Variants in SPON1 observed in about 807,000 individuals in gnomAD.
SPON1 encodes spondin 1, also known as spondin-1.
Under a neutral mutation model 111.7 loss-of-function variants are expected in SPON1, and 52 were observed. The ratio of observed to expected loss-of-function variants is 0.47; its 90% confidence interval spans 0.37 to 0.59. The LOEUF is 0.59. Among genes scored for constraint, SPON1 ranks in the 20% least tolerant of loss-of-function variants. The probability of loss-of-function intolerance (pLI) is 0.00; values close to 1 mark genes in which losing one functional copy is unlikely to be tolerated. For synonymous variants in SPON1, 410 were observed against 395.8 expected (o/e 1.04, Z -0.43); for missense variants, 957 against 1,068.5 (o/e 0.90, Z 1.46).
intron 7 of SPON1, among the ~76,000 whole-genome samples, chr11:14,252,367 C>T (rs1849062016): frequency 7.1e-6 from 1 of 141,378 alleles, no homozygotes; most frequent in Non-Finnish European, 1.5e-5. Flanking sequence ...GAAGGCAAGA[C>T]CTGCGCAGAG....
chr11:14,266,717 G>C lies in SPON1; in HGVS notation c.*1030G>C, dbSNP rs1849274099. On this transcript the variant is annotated 3_prime_UTR_variant, in exon 16 of 16. Coordinates refer to ENST00000576479, the MANE Select transcript of SPON1 (RefSeq NM_006108.4). Reference sequence around the variant, plus strand: ...TGTACTTTAAAGTTATTTTAGTCATGAAATTTTATATGCAGAGAGAAAAAG... The same window carrying C: ...TGTACTTTAAAGTTATTTTAGTCATCAAATTTTATATGCAGAGAGAAAAAG... 2 of 152,252 alleles carry C rather than the reference G, an allele frequency of 1.3e-5. No individual in the cohort carries two copies. Among genetic ancestry groups the C allele is most frequent in the South Asian group, 4.2e-4 (2 of 4,818 alleles). The allele number at this position is 152,252 out of a possible 1,614,324, so 9.4% of individuals were successfully genotyped here.
At chr11:14,025,748 G>A (rs1346152346) in intron 2 of SPON1, among the ~76,000 whole-genome samples, 1 of 152,150 alleles carries the variant, frequency 6.6e-6, no homozygotes, top group African/African-American at 2.4e-5. Context: ...GACTCATCAG[G>A]TGAGACCATG....
At chr11:14,222,403 A>G (rs782320045) in intron 6 of SPON1, among the ~76,000 whole-genome samples, 6 of 152,224 alleles carry the variant, frequency 3.9e-5, no homozygotes, top group Admixed American at 6.5e-5. Flanking sequence ...AAGATTCCAT[A>G]TACTGTTCCA....
intron 10 of SPON1, 67 bp downstream of exon 10, chr11:14,256,759 C>G: frequency 8.0e-7 from 1 of 1,251,314 alleles, no homozygotes; most frequent in South Asian, 1.2e-5. Context: ...AAGCAATTTG[C>G]TAACCTGTTT....
intron 5 of SPON1, among the ~76,000 whole-genome samples, chr11:14,099,989 G>A (rs1591375437): frequency 6.6e-6 from 1 of 152,086 alleles, no homozygotes; most frequent in Non-Finnish European, 1.5e-5. Context: ...CCACTCATGA[G>A]GGATCTCCCC....
At chr11:13,985,471 A>G (rs782337838) in intron 2 of SPON1, among the ~76,000 whole-genome samples, 1 of 152,138 alleles carries the variant, frequency 6.6e-6, no homozygotes, top group Non-Finnish European at 1.5e-5. Context: ...AAGAACAACT[A>G]AGTAACTTTC....
intron 5 of SPON1, among the ~76,000 whole-genome samples, chr11:14,084,938 A>G (rs894017276): frequency 6.6e-6 from 1 of 152,182 alleles, no homozygotes; most frequent in East Asian, 1.9e-4. Context: ...TTGGCCACAT[A>G]AATGTCTTCT....
At chr11:14,177,859 G>A (rs1848194543) in intron 6 of SPON1, among the ~76,000 whole-genome samples, 1 of 152,190 alleles carries the variant, frequency 6.6e-6, no homozygotes, top group Non-Finnish European at 1.5e-5. Flanking sequence ...AGTCAGTTAA[G>A]TTAGATCTGT....
intron 3 of SPON1, 53 bp downstream of exon 3, chr11:14,041,707 ATTGCAGGG>A: frequency 6.3e-7 from 1 of 1,577,194 alleles, no homozygotes; most frequent in Admixed American, 1.9e-5. Flanking sequence ...TTGTGGTGTG[ATTGCAGGG>A]AAAAAAAAAA....
chr11:14,207,904 G>A (rs1467015492), intron 6 of SPON1, among the ~76,000 whole-genome samples: 3 of 152,130 alleles, frequency 2.0e-5, no homozygotes, highest in South Asian at 4.1e-4. Flanking sequence ...ACACGTACAC[G>A]TATGTTCACT....
intron 3 of SPON1, among the ~76,000 whole-genome samples, chr11:14,043,270 T>G (rs989335682): frequency 6.6e-6 from 1 of 152,212 alleles, no homozygotes; most frequent in Non-Finnish European, 1.5e-5. Context: ...GAAGACTGAT[T>G]GGAGGTTCCT....
intron 2 of SPON1, among the ~76,000 whole-genome samples, chr11:14,022,348 C>T (rs1848486811): frequency 6.6e-6 from 1 of 152,218 alleles, no homozygotes; most frequent in Non-Finnish European, 1.5e-5. Context: ...TTCGAATGTG[C>T]TTCTGGCAAA....
chr11:14,116,753 A>T (rs967662057), intron 5 of SPON1, among the ~76,000 whole-genome samples: 5 of 151,624 alleles, frequency 3.3e-5, no homozygotes, highest in East Asian at 1.9e-4. Context: ...TTATATTTTT[A>T]AAAAACCTGT....
chr11:14,194,084 C>T (rs1277439184), intron 6 of SPON1, among the ~76,000 whole-genome samples: 2 of 152,208 alleles, frequency 1.3e-5, no homozygotes, highest in South Asian at 4.1e-4. Flanking sequence ...GCCAGAGGCT[C>T]CTCATCCTGT....
At chr11:14,049,981 G>T (rs1007322134) in intron 3 of SPON1, among the ~76,000 whole-genome samples, 18 of 150,688 alleles carry the variant, frequency 1.2e-4, no homozygotes, top group African/African-American at 4.1e-4. Context: ...CCCTGTCGAT[G>T]CAATCCAGGG....
At chr11:14,042,889 C>G (rs76483147) in intron 3 of SPON1, among the ~76,000 whole-genome samples, 266 of 152,352 alleles carry the variant, frequency 1.7e-3, no homozygotes, top group African/African-American at 5.9e-3. Flanking sequence ...CCGTCATTGT[C>G]TGGCCTCCCT....
chr11:14,112,488 A>G lies in SPON1; in HGVS notation c.677-22932A>G, dbSNP rs375702102. ...AACTCCTCTGTGCCTTGGTTTTCTC[A>G]TATATTAAATGGGGATAATAATAAT... On this transcript the variant is annotated intron_variant, in intron 5 of 15. Coordinates refer to ENST00000576479, the MANE Select transcript of SPON1 (RefSeq NM_006108.4). Among the ~76,000 whole-genome samples, 25 of 152,366 alleles carry G rather than the reference A, an allele frequency of 1.6e-4. No individual in the cohort carries two copies. The South Asian group carries it at 1.7e-3, about 10-fold the overall frequency.
chr11:14,175,186 T>C (rs546550542), intron 6 of SPON1, among the ~76,000 whole-genome samples: 1 of 152,236 alleles, frequency 6.6e-6, no homozygotes, highest in East Asian at 1.9e-4. Context: ...ATTGAGCAGT[T>C]TCTATTGCTT....
chr11:14,186,021 GA>G (rs1848282546), intron 6 of SPON1, among the ~76,000 whole-genome samples: 1 of 152,188 alleles, frequency 6.6e-6, no homozygotes, highest in Non-Finnish European at 1.5e-5. Flanking sequence ...AGGATCAAAT[GA>G]AATAATATAT....
Sources: allele counts gnomAD v4.1 joint callset (sites outside exome capture counted in the v4.1 genomes callset), GRCh38; gene constraint gnomAD v4.1.1; transcripts MANE v1.5; gene names NCBI Gene and HGNC (gene_info 2026-07-23, HGNC 2026-07-21).